TTF1: variants seen among roughly 807,000 people sequenced by gnomAD.
The protein encoded by TTF1 is transcription termination factor 1.
TTF1 carries 64 observed loss-of-function variants against 80.2 expected under a neutral mutation model. The observed-to-expected ratio is 0.80, with a 90% CI of 0.65 to 0.98. TTF1 has a LOEUF of 0.98. Ranked by LOEUF, TTF1 falls within the 50% of genes least tolerant of loss-of-function variation. The pLI is 0.00. For synonymous variants in TTF1, 372 were observed against 382.7 expected (o/e 0.97, Z 0.33); for missense variants, 1,023 against 1,086.2 (o/e 0.94, Z 0.82).
In TTF1 at chr9:132,396,661, G is replaced by GT. The variant is rs777738859; in HGVS notation, c.1778-151dup. 555 of 567,944 alleles carry GT rather than the reference G, an allele frequency of 9.8e-4. 4 individuals carry two copies. In the South Asian group the frequency reaches 1.0e-2, roughly 10 times the overall value. The allele number at this position is 567,944 out of a possible 1,614,324, so 35.2% of individuals were successfully genotyped here. The stretch of plus-strand genomic sequence containing the variant: ...CCTACGTCCTGAAGAAAGCTGTCTT[G>GT]TTTTTTTTGTTTGTTTTTTTTTTTT... On this transcript the variant is annotated intron_variant, in intron 4 of 10. Transcript: ENST00000334270.
chr9:132,386,377 TAC>T (rs769558373), intron 9 of TTF1, among the ~76,000 whole-genome samples, 177 bp downstream of exon 9: 20 of 152,360 alleles, frequency 1.3e-4, no homozygotes, highest in Non-Finnish European at 2.4e-4. Flanking sequence ...CTCCTAAAAT[TAC>T]AGTTTCCTCT....
chr9:132,380,980 C>T (rs886481013), intron 9 of TTF1, among the ~76,000 whole-genome samples: 3 of 152,018 alleles, frequency 2.0e-5, no homozygotes, highest in Non-Finnish European at 4.4e-5. Context: ...GGCGTGATCT[C>T]GGGTCACTGC....
intron 9 of TTF1, 75 bp from the exon 10 acceptor site, chr9:132,379,219 C>T: frequency 9.3e-7 from 1 of 1,075,360 alleles, no homozygotes; most frequent in Non-Finnish European, 1.3e-6. Flanking sequence ...GTAGTAAGTA[C>T]ATTTATTCAG....
intron 2 of TTF1, among the ~76,000 whole-genome samples, 159 bp from the exon 3 acceptor site, chr9:132,400,417 G>A (rs780169237): frequency 4.6e-5 from 7 of 152,174 alleles, no homozygotes; most frequent in East Asian, 3.9e-4. Context: ...TCTGCCTCCC[G>A]GTTCAAGCGA....
chr9:132,386,345 C>T (rs1849469318), intron 9 of TTF1, among the ~76,000 whole-genome samples: 1 of 152,184 alleles, frequency 6.6e-6, no homozygotes, highest in African/African-American at 2.4e-5. Context: ...CCTAGCAGCT[C>T]AGAGCCTTTA....
intron 1 of TTF1, among the ~76,000 whole-genome samples, chr9:132,404,322 G>T (rs945289497): frequency 6.6e-6 from 1 of 151,996 alleles, no homozygotes; most frequent in Non-Finnish European, 1.5e-5. Context: ...GTAAATATCA[G>T]CTGTATTAGA....
At chr9:132,397,113 C>CGGTCTATG (rs1372445567) in intron 4 of TTF1, among the ~76,000 whole-genome samples, 1 of 152,096 alleles carries the variant, frequency 6.6e-6, no homozygotes, top group Non-Finnish European at 1.5e-5. Context: ...TGCTTAGTAC[C>CGGTCTATG]CTGAGGCTTC....
chr9:132,378,019 G>GGTGC (rs1375993071), intron 10 of TTF1, among the ~76,000 whole-genome samples: 1 of 129,490 alleles, frequency 7.7e-6, no homozygotes, highest in Non-Finnish European at 1.6e-5. Context: ...GAATGCATGT[G>GGTGC]GTGTGAGTGC....
At chr9:132,390,501 C>T (rs548289588) in intron 7 of TTF1, 96 bp downstream of exon 7, 7 of 1,202,560 alleles carry the variant, frequency 5.8e-6, no homozygotes, top group Non-Finnish European at 8.4e-6. Flanking sequence ...GTTCTTGACA[C>T]GTCAGCTTCC....
chr9:132,392,655 G>A (rs926445166), intron 5 of TTF1, among the ~76,000 whole-genome samples: 7 of 152,120 alleles, frequency 4.6e-5, no homozygotes, highest in Non-Finnish European at 8.8e-5. Context: ...GCACTCACAC[G>A]TGCACTGGCT....
At chr9:132,404,985 A>C (rs1849838347) in intron 1 of TTF1, among the ~76,000 whole-genome samples, 1 of 151,246 alleles carries the variant, frequency 6.6e-6, no homozygotes, top group Non-Finnish European at 1.5e-5. Context: ...TCCCGGGTTC[A>C]CGCCATTCTC....
At chr9:132,377,194 TGTG>T (rs1286141445) in intron 10 of TTF1, among the ~76,000 whole-genome samples, 12 of 129,770 alleles carry the variant, frequency 9.2e-5, no homozygotes, top group Non-Finnish European at 1.1e-4. Context: ...AGTGCATGCA[TGTG>T]GTGTGAGTGC....
At chr9:132,388,107 A>C (rs2131631452) in intron 8 of TTF1, 32 bp downstream of exon 8, 20 of 1,523,120 alleles carry the variant, frequency 1.3e-5, no homozygotes, top group Non-Finnish European at 1.7e-5. Flanking sequence ...AGACAGAAAC[A>C]GTTAAGAGGC....
chr9:132,392,460 G>A lies in TTF1; in HGVS notation c.1857-254C>T, dbSNP rs1225666382. On this transcript the variant is annotated intron_variant, in intron 5 of 10. Transcript: ENST00000334270. ...AATCACTTAGCCCTTCTTCAGCTCA[G>A]AGCCTCTGTCCCTGTGGTGGAAACG... is the stretch of plus-strand genomic sequence containing the variant. 2.0e-5 allele frequency among the ~76,000 whole-genome samples: 3 copies of A among 152,162 alleles called. No homozygotes were observed. In the East Asian group the frequency reaches 5.8e-4, roughly 29 times the overall value.
chr9:132,400,600 G>A (rs1849742779), intron 2 of TTF1, among the ~76,000 whole-genome samples: 3 of 152,200 alleles, frequency 2.0e-5, no homozygotes, highest in Non-Finnish European at 2.9e-5. Context: ...TGGGATTACA[G>A]GCATGAGCCA....
rs567108332 is a variant in TTF1, at chr9:132,399,546, GTTAT to G, written c.1591+485_1591+488del. 2.0e-3 allele frequency among the ~76,000 whole-genome samples: 302 copies of G among 152,034 alleles called. 1 individual carries two copies. Among genetic ancestry groups the G allele is most frequent in the African/African-American group, 6.8e-3 (283 of 41,470 alleles). ...ATTATTGGATTTAAGAATAATAAAG[GTTAT>G]TTATTATTCTTAATAATAATAATTC... On this transcript the variant is annotated intron_variant, in intron 3 of 10. Transcript: ENST00000334270.
chr9:132,402,860 T>C, intron 1 of TTF1, 32 bp from the exon 2 acceptor site: 4 of 1,536,188 alleles, frequency 2.6e-6, no homozygotes, highest in Non-Finnish European at 3.5e-6. Flanking sequence ...ATGGTTTATT[T>C]TTGCTTTTTT....
chr9:132,396,000 T>G (rs1484072611), intron 5 of TTF1, among the ~76,000 whole-genome samples: 2 of 152,196 alleles, frequency 1.3e-5, no homozygotes, highest in East Asian at 3.8e-4. Context: ...ACCACTGAAC[T>G]GCATTTAAGG....
chr9:132,385,319 C>T (rs1849441453), intron 9 of TTF1, among the ~76,000 whole-genome samples: 1 of 152,200 alleles, frequency 6.6e-6, no homozygotes, highest in Non-Finnish European at 1.5e-5. Context: ...GAAGTGAGAG[C>T]TGGGCTGAAA....
Sources: gnomAD v4.1 joint callset for allele counts (sites outside exome capture counted in the v4.1 genomes callset) on GRCh38, gnomAD v4.1.1 for gene constraint, MANE v1.5 for transcripts, NCBI Gene and HGNC (gene_info 2026-07-23, HGNC 2026-07-21) for gene names.